Variants in RBMS3 observed in about 807,000 individuals in gnomAD.
RBMS3 encodes the protein RNA-binding motif, single-stranded-interacting protein 3.
Under a neutral mutation model 66.8 loss-of-function variants are expected in RBMS3, and 27 were observed. The observed-to-expected ratio is 0.40, with a 90% confidence interval of 0.30 to 0.56. The LOEUF (loss-of-function observed/expected upper bound fraction) is 0.56. RBMS3 is among the 20% of genes least tolerant of loss of function. The pLI is 0.40. For synonymous variants in RBMS3, 188 were observed against 183.0 expected (o/e 1.03, Z -0.22); for missense variants, 513 against 549.5 (o/e 0.93, Z 0.66).
At chr3:29,900,358 A>G (rs2060222974) in intron 10 of RBMS3, among the ~76,000 whole-genome samples, 1 of 151,784 alleles carries the variant, frequency 6.6e-6, no homozygotes, top group Non-Finnish European at 1.5e-5. Context: ...CTTTTTCTAT[A>G]GTGGAAATTT....
intron 12 of RBMS3, 194 bp from the exon 13 acceptor site, chr3:29,987,949 T>G (rs1698541888): frequency 1.9e-6 from 1 of 528,094 alleles, no homozygotes; most frequent in Non-Finnish European, 3.4e-6. Context: ...GTAGGGCTAC[T>G]GTGGGTACTT....
chr3:29,757,869 T>A (rs1326249936), intron 5 of RBMS3, among the ~76,000 whole-genome samples: 1 of 152,218 alleles, frequency 6.6e-6, no homozygotes, highest in Non-Finnish European at 1.5e-5. Flanking sequence ...TTTTGCCAAC[T>A]TTTTTATTAA....
At chr3:29,751,923 ACCCCTGGAG>A (rs936956973) in intron 5 of RBMS3, among the ~76,000 whole-genome samples, 2 of 151,986 alleles carry the variant, frequency 1.3e-5, no homozygotes, top group African/African-American at 4.8e-5. Flanking sequence ...GTTGCCTACG[ACCCCTGGAG>A]CCCCAGAGGA....
At chr3:29,481,653 T>C (rs969331362) in intron 2 of RBMS3, among the ~76,000 whole-genome samples, 3 of 152,120 alleles carry the variant, frequency 2.0e-5, no homozygotes, top group African/African-American at 7.2e-5. Flanking sequence ...TAACTAGGTA[T>C]TGGCAGAAGG....
At chr3:29,894,741 A>G (rs17024570) in intron 8 of RBMS3, among the ~76,000 whole-genome samples, 12,379 of 151,636 alleles carry the variant, frequency 0.082, 1,517 homozygotes, top group African/African-American at 0.27. Flanking sequence ...AGAGAACTAT[A>G]CAAATATATC....
chr3:29,519,832 C>T (rs1408518820), intron 3 of RBMS3, among the ~76,000 whole-genome samples: 1 of 152,116 alleles, frequency 6.6e-6, no homozygotes, highest in Non-Finnish European at 1.5e-5. Flanking sequence ...TTTTACACCA[C>T]ATAATAACTT....
At chr3:29,824,668 A>C (rs2058159569) in intron 6 of RBMS3, among the ~76,000 whole-genome samples, 1 of 152,168 alleles carries the variant, frequency 6.6e-6, no homozygotes, top group Non-Finnish European at 1.5e-5. Flanking sequence ...TAATATCAAC[A>C]CATCTACTGA....
chr3:29,630,535 G>A (rs1401152833), intron 4 of RBMS3, among the ~76,000 whole-genome samples: 2 of 151,836 alleles, frequency 1.3e-5, no homozygotes, highest in African/African-American at 4.8e-5. Context: ...GAATTGGAAG[G>A]AAAAAGGAAG....
intron 1 of RBMS3, among the ~76,000 whole-genome samples, chr3:29,323,603 TGTCTGTG>T (rs1447041933): frequency 6.6e-6 from 1 of 151,996 alleles, no homozygotes; most frequent in Non-Finnish European, 1.5e-5. Flanking sequence ...ATATGTAATA[TGTCTGTG>T]GTGCTCTTGA....
intron 6 of RBMS3, among the ~76,000 whole-genome samples, chr3:29,781,213 A>T (rs1322686191): frequency 4.2e-5 from 2 of 47,870 alleles, no homozygotes; most frequent in African/African-American, 7.1e-5. Context: ...CCTCCCTCCC[A>T]CCCTTAATCA....
chr3:29,340,553 T>A (rs1472853433), intron 1 of RBMS3, among the ~76,000 whole-genome samples: 1 of 152,160 alleles, frequency 6.6e-6, no homozygotes. Context: ...CTTTATAGCG[T>A]CAGTTCCAAG....
Position 29,829,837 on chromosome 3 carries a change from C to G in RBMS3, c.638-39021C>G, listed in dbSNP as rs1420367548. On this transcript the variant is annotated intron_variant, in intron 6 of 14. Coordinates refer to ENST00000383767, the MANE Select transcript of RBMS3 (RefSeq NM_001003793.3). ...CACCATCAAGAGGAGAATGCCTCTG[C>G]TAAGAGGAATTATCTATTTACACTG... is the stretch of plus-strand genomic sequence containing the variant. 2.0e-5 allele frequency among the ~76,000 whole-genome samples: 3 copies of G among 152,022 alleles called. No individual in the cohort carries two copies. In the East Asian group the frequency reaches 5.8e-4, roughly 29 times the overall value.
chr3:29,588,945 T>C (rs1009889289), intron 4 of RBMS3, among the ~76,000 whole-genome samples: 1 of 152,114 alleles, frequency 6.6e-6, no homozygotes, highest in African/African-American at 2.4e-5. Context: ...AAAGTTGTTA[T>C]TGGAATTTCT....
chr3:29,537,813 A>C (rs1385014636), intron 3 of RBMS3: 1 of 137,634 alleles, frequency 7.3e-6, no homozygotes, highest in Non-Finnish European at 1.5e-5. Flanking sequence ...AAAGAGCGAG[A>C]CTCCACCTCA....
chr3:29,724,846 A>T (rs1386364281), intron 4 of RBMS3, among the ~76,000 whole-genome samples: 1 of 152,178 alleles, frequency 6.6e-6, no homozygotes, highest in Non-Finnish European at 1.5e-5. Context: ...GCTAACAAAA[A>T]ATAGCACTTT....
At chr3:29,966,933 G>A (rs1235495430) in intron 12 of RBMS3, among the ~76,000 whole-genome samples, 1 of 152,124 alleles carries the variant, frequency 6.6e-6, no homozygotes. Context: ...TGCTTTTTCT[G>A]CATCTATTCA....
At chr3:29,440,676 G>C (rs184964053) in intron 2 of RBMS3, among the ~76,000 whole-genome samples, 2 of 152,210 alleles carry the variant, frequency 1.3e-5, no homozygotes, top group African/African-American at 4.8e-5. Context: ...GTTTGCGCTG[G>C]AGAGCCGAAG....
chr3:29,293,764 C>T (rs932422944), intron 1 of RBMS3, among the ~76,000 whole-genome samples: 1 of 151,194 alleles, frequency 6.6e-6, no homozygotes, highest in African/African-American at 2.4e-5. Context: ...TTCTTGCTCG[C>T]CCTTTCTTCT....
chr3:29,317,786 T>C (rs2034772917), intron 1 of RBMS3, among the ~76,000 whole-genome samples: 1 of 151,930 alleles, frequency 6.6e-6, no homozygotes, highest in Admixed American at 6.6e-5. Context: ...AGCAGGAGTT[T>C]GTTTTACTCA....
Sources: gnomAD v4.1 joint callset for allele counts (sites outside exome capture counted in the v4.1 genomes callset) on GRCh38, gnomAD v4.1.1 for gene constraint, MANE v1.5 for transcripts, NCBI Gene and HGNC (gene_info 2026-07-23, HGNC 2026-07-21) for gene names.